CHCHD3: variants seen among roughly 807,000 people sequenced by gnomAD.
CHCHD3 encodes the protein coiled-coil-helix-coiled-coil-helix domain containing 3, also known as MICOS complex subunit MIC19.
A neutral mutation model predicts 38.2 loss-of-function variants in CHCHD3; 20 were observed. The ratio of observed to expected loss-of-function variants is 0.52; its 90% confidence interval spans 0.37 to 0.76. The LOEUF is 0.76. CHCHD3 is among the 30% of genes least tolerant of loss of function. The pLI, the probability that CHCHD3 is intolerant of heterozygous loss-of-function variation, is 0.00. For synonymous variants in CHCHD3, 82 were observed against 100.0 expected, an observed-to-expected ratio of 0.82 and a Z score of 1.07; for missense variants, 245 against 279.2, an observed-to-expected ratio of 0.88 and a Z score of 0.87.
chr7:132,836,098 A>G (rs188938957), intron 6 of CHCHD3, among the ~76,000 whole-genome samples: 1 of 151,796 alleles, frequency 6.6e-6, no homozygotes, highest in East Asian at 1.9e-4. Flanking sequence ...TACACCAACC[A>G]ATCACAAATT....
chr7:133,018,949 T>C (rs1271093070), intron 3 of CHCHD3, among the ~76,000 whole-genome samples: 1 of 138,712 alleles, frequency 7.2e-6, no homozygotes, highest in African/African-American at 2.7e-5. Flanking sequence ...AGTGGCGCGA[T>C]CTTGGCTCAC....
At chr7:133,015,730 T>C (rs1813010424) in intron 3 of CHCHD3, among the ~76,000 whole-genome samples, 1 of 152,210 alleles carries the variant, frequency 6.6e-6, no homozygotes, top group African/African-American at 2.4e-5. Context: ...ACTTGATAGA[T>C]ATGACCTTGG....
chr7:133,072,407 G>T (rs926559758), intron 1 of CHCHD3, among the ~76,000 whole-genome samples: 1 of 152,090 alleles, frequency 6.6e-6, no homozygotes, highest in African/African-American at 2.4e-5. Flanking sequence ...TCCTTCACAG[G>T]CCTATGAGAT....
chr7:132,795,234 G>A (rs1038856395), intron 7 of CHCHD3, among the ~76,000 whole-genome samples: 4 of 152,152 alleles, frequency 2.6e-5, no homozygotes, highest in South Asian at 2.1e-4. Context: ...ATCAACCTAC[G>A]AGTCTCAAGT....
Position 133,003,474 on chromosome 7 carries a change from T to C in CHCHD3, c.251+21072A>G, listed in dbSNP as rs1812623762. Among the ~76,000 whole-genome samples, 4 of 152,324 alleles carry C rather than the reference T, an allele frequency of 2.6e-5. No individual in the cohort carries two copies. The South Asian group carries it at 8.3e-4, about 32-fold the overall frequency. ...TGCCACAATCAAGCCTTTATTTTTA[T>C]CTGTATGAGACACAGAAAACTTAAA... On this transcript the variant is annotated intron_variant, in intron 3 of 7. Transcript: ENST00000262570.
At chr7:133,073,786 C>T (rs886389898) in intron 1 of CHCHD3, among the ~76,000 whole-genome samples, 15 of 152,192 alleles carry the variant, frequency 9.9e-5, no homozygotes, top group Non-Finnish European at 1.5e-4. Flanking sequence ...TGTCTGTTTA[C>T]AGAAAAATTC....
At chr7:133,060,871 T>C (rs1013757705) in intron 2 of CHCHD3, among the ~76,000 whole-genome samples, 3 of 151,926 alleles carry the variant, frequency 2.0e-5, no homozygotes, top group Admixed American at 1.3e-4. Context: ...GATTGAGGCA[T>C]TGCACTCCAG....
chr7:132,894,359 A>G (rs765053971), intron 4 of CHCHD3, among the ~76,000 whole-genome samples: 1 of 152,210 alleles, frequency 6.6e-6, no homozygotes, highest in Non-Finnish European at 1.5e-5. Flanking sequence ...TTGGGTGCCC[A>G]TGTTGACTCT....
At chr7:133,002,135 C>T (rs867689165) in intron 3 of CHCHD3, among the ~76,000 whole-genome samples, 1 of 152,172 alleles carries the variant, frequency 6.6e-6, no homozygotes, top group Non-Finnish European at 1.5e-5. Context: ...TAGGACCACA[C>T]TCTTAACCAT....
intron 5 of CHCHD3, among the ~76,000 whole-genome samples, chr7:132,842,793 G>A (rs1300891859): frequency 6.6e-6 from 1 of 152,064 alleles, no homozygotes; most frequent in African/African-American, 2.4e-5. Context: ...GCTACCTTAT[G>A]GCAACAGATC....
intron 2 of CHCHD3, among the ~76,000 whole-genome samples, chr7:133,028,946 C>T (rs1377636173): frequency 6.6e-6 from 1 of 151,710 alleles, no homozygotes. Context: ...GCATACTGAG[C>T]CCCTCACCAC....
At chr7:133,076,408 T>G (rs1276525741) in intron 1 of CHCHD3, among the ~76,000 whole-genome samples, 2 of 152,190 alleles carry the variant, frequency 1.3e-5, no homozygotes, top group African/African-American at 4.8e-5. Context: ...CAGTGCTCTA[T>G]GAACTAAAAG....
rs1406127387 is a variant in CHCHD3 at position 132,984,646 on chromosome 7, TGA to T, written c.252-9362_252-9361del. On this transcript the variant is annotated intron_variant, in intron 3 of 7. Coordinates refer to ENST00000262570, the MANE Select transcript of CHCHD3 (RefSeq NM_017812.4). ...CGTCTCTGCCAGGCCGCCCATCGTC[TGA>T]GATGTGGGGAGTGCCTCTGCCCTGC... Among the ~76,000 whole-genome samples, 3 of 145,774 alleles carry T rather than the reference TGA, an allele frequency of 2.1e-5. No individual in the cohort carries two copies. In the East Asian group the frequency reaches 6.3e-4, roughly 31 times the overall value.
intron 4 of CHCHD3, among the ~76,000 whole-genome samples, chr7:132,912,747 G>A (rs1809983003): frequency 6.6e-6 from 1 of 152,068 alleles, no homozygotes; most frequent in African/African-American, 2.4e-5. Flanking sequence ...TAGAGACAAG[G>A]TTTCACCATG....
At chr7:132,816,352 G>A (rs2117059433) in intron 6 of CHCHD3, among the ~76,000 whole-genome samples, 1 of 152,250 alleles carries the variant, frequency 6.6e-6, no homozygotes, top group Admixed American at 6.5e-5. Flanking sequence ...CTTGATCTTA[G>A]CTATGTCTGT....
Position 132,813,544 on chromosome 7 carries a change from G to A in CHCHD3, c.525-16967C>T, listed in dbSNP as rs115583973. ...ATAACGTTTAAGCTCTCCACACAGTGTCTGGCACTGAGTAAGCCTGTAATA... is the reference window on the plus strand; with the variant it reads ...ATAACGTTTAAGCTCTCCACACAGTATCTGGCACTGAGTAAGCCTGTAATA... On this transcript the variant is annotated intron_variant, in intron 6 of 7. Coordinates refer to ENST00000262570, the MANE Select transcript of CHCHD3 (RefSeq NM_017812.4). The A allele has an allele frequency of 2.2e-3, 329 of 152,288 alleles. 1 individual carries two copies. The highest frequency in any genetic ancestry group is 7.3e-3 in the African/African-American group (304 of 41,562). The allele number at this position is 152,288 out of a possible 1,614,324, so 9.4% of individuals were successfully genotyped here.
chr7:132,998,510 C>G (rs1304918430), intron 3 of CHCHD3, among the ~76,000 whole-genome samples: 10 of 152,110 alleles, frequency 6.6e-5, no homozygotes. Context: ...GATCACACCA[C>G]TTATCAAATG....
rs539402945 is a variant in CHCHD3, at chr7:132,785,681, G to GT, written c.661-22dup. ...ATGCTCTGCAAGAAAAACAGAAAGAGTAAGTTTTACCACCGGGAGAGGACA... is the reference window on the plus strand; with the variant it reads ...ATGCTCTGCAAGAAAAACAGAAAGAGTTAAGTTTTACCACCGGGAGAGGACA... On this transcript the variant is annotated intron_variant, in intron 7 of 7. Coordinates refer to ENST00000262570, the MANE Select transcript of CHCHD3 (RefSeq NM_017812.4). 685 of 1,613,868 alleles carry GT rather than the reference G, an allele frequency of 4.2e-4. 3 individuals are homozygous for GT. In the African/African-American group the frequency reaches 8.3e-3, roughly 19 times the overall value.
At chr7:132,792,236 G>A (rs1247013931) in intron 7 of CHCHD3, among the ~76,000 whole-genome samples, 1 of 152,136 alleles carries the variant, frequency 6.6e-6, no homozygotes, top group African/African-American at 2.4e-5. Flanking sequence ...AAGGCATCAC[G>A]ATCCAGGGGA....
Sources: gnomAD v4.1 joint callset for allele counts (sites outside exome capture counted in the v4.1 genomes callset) on GRCh38, gnomAD v4.1.1 for gene constraint, MANE v1.5 for transcripts, NCBI Gene and HGNC (gene_info 2026-07-23, HGNC 2026-07-21) for gene names.